LRMDA: variants seen among roughly 807,000 people sequenced by gnomAD.
The protein encoded by LRMDA is leucine rich melanocyte differentiation associated, also known as leucine-rich melanocyte differentiation-associated protein.
A neutral mutation model predicts 29.8 loss-of-function variants in LRMDA; 18 were observed. The observed-to-expected ratio is 0.60, with a 90% CI of 0.42 to 0.90. The LOEUF is 0.90. LRMDA is among the 40% of genes least tolerant of loss of function. LRMDA has a pLI of 0.00. For missense variants in LRMDA, 273 were observed against 273.9 expected (o/e 1.00, Z 0.02); for synonymous variants, 125 against 109.4 (o/e 1.14, Z -0.89).
chr10:75,972,905 C>T (rs1257592300), intron 2 of LRMDA, among the ~76,000 whole-genome samples: 1 of 152,168 alleles, frequency 6.6e-6, no homozygotes, highest in East Asian at 1.9e-4. Context: ...CCTGGAATGT[C>T]ACTTCTGCAA....
At chr10:76,218,471 C>T (rs554629262) in intron 5 of LRMDA, among the ~76,000 whole-genome samples, 2 of 152,318 alleles carry the variant, frequency 1.3e-5, no homozygotes, top group South Asian at 4.1e-4. Flanking sequence ...CTGAGAAAAA[C>T]ATGTTAAGTA....
chr10:76,334,000 T>C (rs985552654), intron 6 of LRMDA, among the ~76,000 whole-genome samples: 3 of 152,146 alleles, frequency 2.0e-5, no homozygotes, highest in Admixed American at 2.0e-4. Context: ...TGAACTCTAA[T>C]CTGGCCTGTT....
intron 5 of LRMDA, among the ~76,000 whole-genome samples, chr10:76,060,326 G>C (rs550689755): frequency 7.2e-5 from 11 of 152,158 alleles, no homozygotes; most frequent in African/African-American, 2.7e-4. Context: ...ATCTGAAGGG[G>C]TAATAAATGT....
chr10:75,664,120 G>A (rs557122168), intron 2 of LRMDA, among the ~76,000 whole-genome samples: 4 of 152,294 alleles, frequency 2.6e-5, no homozygotes, highest in African/African-American at 9.6e-5. Flanking sequence ...AAATGTAGCT[G>A]TTTTTATCCT....
chr10:76,447,749 T>A (rs1324226980), intron 6 of LRMDA, among the ~76,000 whole-genome samples: 2 of 152,134 alleles, frequency 1.3e-5, no homozygotes, highest in South Asian at 2.1e-4. Flanking sequence ...ACCCTACGAG[T>A]TTTATGCTGT....
intron 2 of LRMDA, among the ~76,000 whole-genome samples, chr10:75,652,931 C>T (rs77123350): frequency 0.031 from 4,678 of 152,278 alleles, 251 homozygotes; most frequent in African/African-American, 0.11. Context: ...TTATTTCCCT[C>T]CTCTGCTAGA....
In LRMDA at chr10:76,167,921, T is replaced by A. The variant is rs146250418; in HGVS notation, c.516+109138T>A. Among the ~76,000 whole-genome samples, 324 of 152,328 alleles carry A rather than the reference T, an allele frequency of 2.1e-3. 3 individuals carry two copies. The highest frequency in any genetic ancestry group is 7.2e-3 in the African/African-American group (301 of 41,572). ...TTTTTCCATTTGTTTGTGTCATTTC[T>A]GATTTTTTTGAGCAGTGTTTTGTAG... is the stretch of plus-strand genomic sequence containing the variant. On this transcript the variant is annotated intron_variant, in intron 5 of 6. Coordinates refer to ENST00000611255, the MANE Select transcript of LRMDA (RefSeq NM_001305581.2).
intron 2 of LRMDA, among the ~76,000 whole-genome samples, chr10:75,765,495 G>A (rs1310988921): frequency 6.6e-6 from 1 of 152,162 alleles, no homozygotes; most frequent in East Asian, 1.9e-4. Flanking sequence ...GTCTGTGTTT[G>A]TGACTATTTA....
chr10:76,096,999 T>A (rs140368470), intron 5 of LRMDA, among the ~76,000 whole-genome samples: 1 of 49,706 alleles, frequency 2.0e-5, no homozygotes, highest in African/African-American at 7.8e-5. Flanking sequence ...CTTTTATTTT[T>A]ATTTTATTTT....
rs373397409 is a variant in LRMDA, at chr10:76,272,285, C to G, written c.517-52116C>G. ...CACATTGGTAAACTGAATTTAAATC[C>G]TCCTCAATGGACTTGATGCCACATG... is the stretch of plus-strand genomic sequence containing the variant. On this transcript the variant is annotated intron_variant, in intron 5 of 6. Coordinates refer to ENST00000611255, the MANE Select transcript of LRMDA (RefSeq NM_001305581.2). 8.5e-5 allele frequency among the ~76,000 whole-genome samples: 13 copies of G among 152,130 alleles called. 1 individual carries two copies. The South Asian group carries it at 1.0e-3, about 12-fold the overall frequency.
At chr10:75,898,539 G>A (rs1052114658) in intron 2 of LRMDA, among the ~76,000 whole-genome samples, 8 of 152,078 alleles carry the variant, frequency 5.3e-5, no homozygotes, top group South Asian at 4.1e-4. Context: ...TTTGCCTGCC[G>A]GGAAAGCAGG....
intron 2 of LRMDA, among the ~76,000 whole-genome samples, chr10:75,782,308 T>A (rs932641226): frequency 1.3e-5 from 2 of 152,196 alleles, no homozygotes; most frequent in African/African-American, 4.8e-5. Flanking sequence ...TGTGTGTGTG[T>A]GATGCTGACC....
intron 2 of LRMDA, among the ~76,000 whole-genome samples, chr10:75,896,951 A>C (rs1350669647): frequency 6.6e-6 from 1 of 152,010 alleles, no homozygotes; most frequent in Non-Finnish European, 1.5e-5. Context: ...AGTTGAATAA[A>C]AGGCACTTAG....
At chr10:75,921,587 A>G (rs747239335) in intron 2 of LRMDA, among the ~76,000 whole-genome samples, 24 of 152,206 alleles carry the variant, frequency 1.6e-4, no homozygotes, top group Non-Finnish European at 8.8e-5. Context: ...CAGTTGAAGT[A>G]GAAAAAAGCT....
chr10:75,789,763 A>C (rs1247417605), intron 2 of LRMDA, among the ~76,000 whole-genome samples: 1 of 152,210 alleles, frequency 6.6e-6, no homozygotes, highest in Admixed American at 6.5e-5. Context: ...TGATGTCCCC[A>C]AGGCCCATTC....
chr10:75,578,658 C>A (rs1204991176), intron 2 of LRMDA, among the ~76,000 whole-genome samples: 1 of 152,028 alleles, frequency 6.6e-6, no homozygotes, highest in African/African-American at 2.4e-5. Flanking sequence ...GTAAACCACT[C>A]CTCAGCAAAT....
chr10:76,185,385 C>T (rs55856734), intron 5 of LRMDA, among the ~76,000 whole-genome samples: 4,641 of 152,230 alleles, frequency 0.03, 101 homozygotes, highest in Non-Finnish European at 0.047. Context: ...ATTGGGAAGG[C>T]CACTGAAATT....
intron 6 of LRMDA, among the ~76,000 whole-genome samples, chr10:76,373,442 C>T (rs1841478887): frequency 6.6e-6 from 1 of 151,962 alleles, no homozygotes; most frequent in South Asian, 2.1e-4. Context: ...TATGATACAA[C>T]TCATTATAAT....
chr10:76,369,638 T>C (rs1307339810), intron 6 of LRMDA, among the ~76,000 whole-genome samples: 2 of 152,200 alleles, frequency 1.3e-5, no homozygotes, highest in African/African-American at 2.4e-5. Flanking sequence ...TTTTGCTTCT[T>C]GTATTTGGCT....
Sources: allele counts gnomAD v4.1 joint callset (sites outside exome capture counted in the v4.1 genomes callset), GRCh38; gene constraint gnomAD v4.1.1; transcripts MANE v1.5; gene names NCBI Gene and HGNC (gene_info 2026-07-23, HGNC 2026-07-21).